Variants in CTNNA3 observed in about 807,000 individuals in gnomAD.
The protein encoded by CTNNA3 is catenin alpha-3.
A neutral mutation model predicts 95.7 loss-of-function variants in CTNNA3; 76 were observed. The observed-to-expected ratio is 0.79, with a 90% CI of 0.66 to 0.96. The LOEUF (loss-of-function observed/expected upper bound fraction) is 0.96, where lower values mean the gene tolerates loss of function less well. Ranked by LOEUF, CTNNA3 falls within the 40% of genes least tolerant of loss-of-function variation. The pLI is 0.00. For missense variants in CTNNA3, 1,191 were observed against 1,089.8 expected, an observed-to-expected ratio of 1.09 and a Z score of -1.31; for synonymous variants, 431 against 374.4, an observed-to-expected ratio of 1.15 and a Z score of -1.74.
intron 5 of CTNNA3, among the ~76,000 whole-genome samples, chr10:67,235,747 A>G (rs1589066407): frequency 1.4e-5 from 2 of 144,214 alleles, no homozygotes; most frequent in African/African-American, 5.3e-5. Flanking sequence ...ATGGGAGAAA[A>G]TTTTTGCAAT....
At chr10:66,252,407 C>A (rs1272184707) in intron 13 of CTNNA3, among the ~76,000 whole-genome samples, 2 of 152,146 alleles carry the variant, frequency 1.3e-5, no homozygotes, top group Non-Finnish European at 2.9e-5. Flanking sequence ...CAGAGCCAGA[C>A]AATTATGCAT....
At chr10:67,097,084 C>A (rs1335025383) in intron 7 of CTNNA3, among the ~76,000 whole-genome samples, 1 of 151,776 alleles carries the variant, frequency 6.6e-6, no homozygotes, top group Non-Finnish European at 1.5e-5. Context: ...GATTCCAGGA[C>A]CTATACCAGA....
chr10:66,391,586 T>A (rs1202945053), intron 11 of CTNNA3, among the ~76,000 whole-genome samples: 1 of 151,522 alleles, frequency 6.6e-6, no homozygotes, highest in Non-Finnish European at 1.5e-5. Flanking sequence ...TAATGCTCTT[T>A]AAAAAAAAAT....
chr10:66,150,094 T>C (rs1343290439), intron 13 of CTNNA3, among the ~76,000 whole-genome samples: 1 of 152,212 alleles, frequency 6.6e-6, no homozygotes, highest in Non-Finnish European at 1.5e-5. Context: ...CCCACCCAAA[T>C]CTCATCTTGA....
intron 1 of CTNNA3, among the ~76,000 whole-genome samples, chr10:67,667,175 C>T (rs1032497979): frequency 6.6e-6 from 1 of 152,084 alleles, no homozygotes; most frequent in African/African-American, 2.4e-5. Flanking sequence ...GATATACTTC[C>T]TGTTATTACA....
At chr10:66,078,322 C>A (rs1194216991) in intron 14 of CTNNA3, among the ~76,000 whole-genome samples, 2 of 151,836 alleles carry the variant, frequency 1.3e-5, no homozygotes, top group African/African-American at 4.8e-5. Flanking sequence ...TTCACCTATT[C>A]CTTTTCTGTA....
At chr10:66,524,542 G>C (rs1209122337) in intron 10 of CTNNA3, among the ~76,000 whole-genome samples, 1 of 152,118 alleles carries the variant, frequency 6.6e-6, no homozygotes, top group African/African-American at 2.4e-5. Flanking sequence ...ATAAAAAGTT[G>C]TGTTGTGTTA....
chr10:67,682,665 T>C (rs1265534063), intron 1 of CTNNA3, among the ~76,000 whole-genome samples: 1 of 152,216 alleles, frequency 6.6e-6, no homozygotes, highest in Non-Finnish European at 1.5e-5. Context: ...TCCAATTAAA[T>C]GTAATACTTA....
intron 7 of CTNNA3, among the ~76,000 whole-genome samples, chr10:66,918,992 G>T (rs983380320): frequency 6.6e-6 from 1 of 151,844 alleles, no homozygotes. Flanking sequence ...AAAATTAGCC[G>T]GGCGTGGTGG....
At chr10:66,379,081 T>C (rs570117482) in intron 12 of CTNNA3, 71 bp downstream of exon 12, 9 of 1,258,964 alleles carry the variant, frequency 7.1e-6, no homozygotes, top group African/African-American at 1.5e-5. Flanking sequence ...CTTTCCCACA[T>C]GTATGAATAT....
At chr10:67,214,646 C>A (rs886290225) in intron 6 of CTNNA3, among the ~76,000 whole-genome samples, 7 of 151,720 alleles carry the variant, frequency 4.6e-5, no homozygotes, top group Non-Finnish European at 3.0e-5. Context: ...AAGTTGTTGA[C>A]AATAAACTAT....
chr10:66,650,500 C>T (rs529239277), intron 9 of CTNNA3, among the ~76,000 whole-genome samples: 1 of 152,242 alleles, frequency 6.6e-6, no homozygotes, highest in Non-Finnish European at 1.5e-5. Flanking sequence ...AACAGCAAAA[C>T]TCATGATGTG....
intron 7 of CTNNA3, among the ~76,000 whole-genome samples, chr10:67,002,396 A>C (rs1397213263): frequency 6.6e-6 from 1 of 152,154 alleles, no homozygotes; most frequent in Non-Finnish European, 1.5e-5. Flanking sequence ...TTTCTGTAAA[A>C]GTGAGAAATG....
chr10:66,148,033 T>G (rs1681749521), intron 13 of CTNNA3, among the ~76,000 whole-genome samples: 1 of 151,750 alleles, frequency 6.6e-6, no homozygotes, highest in Non-Finnish European at 1.5e-5. Context: ...ATTGTTTTAT[T>G]TCCTATATCC....
At chr10:66,385,312 C>G (rs1406286590) in intron 11 of CTNNA3, among the ~76,000 whole-genome samples, 1 of 152,138 alleles carries the variant, frequency 6.6e-6, no homozygotes, top group Non-Finnish European at 1.5e-5. Flanking sequence ...ACTATAAACA[C>G]CTCTACGCAA....
chr10:67,226,505 G>A (rs4746678), intron 5 of CTNNA3, among the ~76,000 whole-genome samples: 46,914 of 152,042 alleles, frequency 0.31, 10,054 homozygotes, highest in African/African-American at 0.61. Flanking sequence ...AGGAAAACCT[G>A]TCATATTAAC....
chr10:66,191,932 C>T lies in CTNNA3; in HGVS notation c.1884+88538G>A, dbSNP rs77479998. Among the ~76,000 whole-genome samples the T allele has an allele frequency of 2.0e-3, 311 of 152,234 alleles. 2 individuals carry two copies. Among genetic ancestry groups the T allele is most frequent in the Non-Finnish European group, 3.6e-3 (242 of 68,010 alleles). The stretch of plus-strand genomic sequence containing the variant: ...AATGTCATTATCACAGGAGTGGGTT[C>T]TTTCTTGTGGGAATGGGTTTATCCT... On this transcript the variant is annotated intron_variant, in intron 13 of 17. Transcript: ENST00000433211.
intron 7 of CTNNA3, among the ~76,000 whole-genome samples, chr10:67,026,353 G>C (rs1853390198): frequency 6.6e-6 from 1 of 151,790 alleles, no homozygotes; most frequent in African/African-American, 2.4e-5. Flanking sequence ...AATATTTTTG[G>C]AACATTTTGT....
chr10:67,373,570 A>T (rs1431528911), intron 5 of CTNNA3, among the ~76,000 whole-genome samples: 1 of 152,184 alleles, frequency 6.6e-6, no homozygotes, highest in Non-Finnish European at 1.5e-5. Context: ...GATCCATGAG[A>T]CAGAAAGTTA....
Sources: allele counts gnomAD v4.1 joint callset (sites outside exome capture counted in the v4.1 genomes callset), GRCh38; gene constraint gnomAD v4.1.1; transcripts MANE v1.5; gene names NCBI Gene and HGNC (gene_info 2026-07-23, HGNC 2026-07-21).